Variants in SRP19 observed in about 807,000 individuals in gnomAD.
SRP19 encodes the protein signal recognition particle 19.
In SRP19, 11 loss-of-function variants were observed where a neutral mutation model predicts 22.4. That is an observed-to-expected ratio of 0.49 (90% confidence interval 0.31 to 0.81). The LOEUF (loss-of-function observed/expected upper bound fraction) is 0.81, where lower values mean the gene tolerates loss of function less well. SRP19 is among the 40% of genes least tolerant of loss of function. The pLI is 0.05. For missense variants in SRP19, 168 were observed against 175.9 expected (o/e 0.96, Z 0.25); for synonymous variants, 61 against 57.6 (o/e 1.06, Z -0.27).
At chr5:112,892,990 C>T (rs757652763) in exon 5 of SRP19, 19 of 1,580,932 alleles carry the variant, frequency 1.2e-5, no homozygotes, top group African/African-American at 6.8e-5. Flanking sequence ...CCACCGCAGC[C>T]GGAGCCAAAG....
Position 112,880,217 on chromosome 5 carries a change from C to G in SRP19, c.302-11386C>G, listed in dbSNP as rs951734225. Among the ~76,000 whole-genome samples, 6 of 152,128 alleles carry G rather than the reference C, an allele frequency of 3.9e-5. No homozygotes were observed. The South Asian group carries it at 6.2e-4, about 16-fold the overall frequency. On this transcript the variant is annotated intron_variant, in intron 4 of 4. Transcript: ENST00000391338. ...CTTGAAGCCAGGAGTTTGAGATCAC[C>G]CTGGCCAAAACACAGTGAGAGCCCA...
chr5:112,871,701 G>C (rs1212970044), downstream of SRP19, among the ~76,000 whole-genome samples: 1 of 152,144 alleles, frequency 6.6e-6, no homozygotes, highest in African/African-American at 2.4e-5. Flanking sequence ...GGAGGTTGCA[G>C]TGAGCCAAAA....
At chr5:112,866,086 G>A (rs1767594986) in intron 4 of SRP19, among the ~76,000 whole-genome samples, 1 of 151,180 alleles carries the variant, frequency 6.6e-6, no homozygotes, top group African/African-American at 2.4e-5. Flanking sequence ...GAGTGCAGTG[G>A]CACGATTATG....
downstream of SRP19, among the ~76,000 whole-genome samples, chr5:112,872,874 C>T (rs57076790): frequency 0.03 from 4,492 of 152,172 alleles, 228 homozygotes; most frequent in African/African-American, 0.1. Context: ...GTTCTTAGAC[C>T]TTGCATATTT....
chr5:112,867,372 A>C, intron 4 of SRP19, 32 bp from the exon 5 acceptor site: 6 of 1,605,348 alleles, frequency 3.7e-6, no homozygotes, highest in Middle Eastern at 1.7e-4. Context: ...TATTTCTCAG[A>C]TTATACACTA....
intron 4 of SRP19, among the ~76,000 whole-genome samples, chr5:112,886,809 A>C (rs1356995082): frequency 6.6e-6 from 1 of 152,266 alleles, no homozygotes; most frequent in African/African-American, 2.4e-5. Context: ...AGGCTACATT[A>C]AATGTGGCAT....
downstream of SRP19, among the ~76,000 whole-genome samples, chr5:112,874,657 A>C (rs1767854185): frequency 1.3e-5 from 2 of 152,106 alleles, no homozygotes; most frequent in African/African-American, 4.8e-5. Context: ...CGGGCTGTTT[A>C]ATAATGAAGA....
At chr5:112,872,905 C>A (rs1194557026), downstream of SRP19, among the ~76,000 whole-genome samples, 1 of 151,588 alleles carries the variant, frequency 6.6e-6, no homozygotes, top group African/African-American at 2.4e-5. Flanking sequence ...TCATTCTACC[C>A]TTACATTGTT....
rs534122422 is a variant in SRP19 at position 112,889,938 on chromosome 5, T to C, written c.302-1665T>C. ...GCCTCCCGGATTCAAGCGATTCTCC[T>C]GTCTCAGCCTCCCAAGTAGCTGGGA... On this transcript the variant is annotated intron_variant, in intron 4 of 4. Coordinates refer to the SRP19 transcript ENST00000391338. Among the ~76,000 whole-genome samples the C allele has an allele frequency of 6.5e-4, 98 of 150,066 alleles. 7 individuals are homozygous for C. The highest frequency in any genetic ancestry group is 2.4e-3 in the African/African-American group (97 of 40,130).
exon 5 of SRP19, chr5:112,892,878 C>T: frequency 6.2e-7 from 1 of 1,612,720 alleles, no homozygotes; most frequent in African/African-American, 1.3e-5. Context: ...AGAAATCTCA[C>T]AAACGCACAT....
chr5:112,895,237 C>CAAAAAAAAAAAAAAAAAAAA (rs10684553), downstream of SRP19: 2 of 62,216 alleles, frequency 3.2e-5, no homozygotes, highest in African/African-American at 1.4e-4. Context: ...GACTCTGTCT[C>CAAAAAAAAAAAAAAAAAAAA]AAAAAAAAAA....
chr5:112,866,263 T>G (rs1484800740), intron 4 of SRP19, among the ~76,000 whole-genome samples: 1 of 152,054 alleles, frequency 6.6e-6, no homozygotes, highest in African/African-American at 2.4e-5. Flanking sequence ...ATTTCAGGCA[T>G]GAGCCACCAG....
Position 112,862,558 on chromosome 5 carries a change from A to G in SRP19, c.92A>G (p.Glu31Gly), listed in dbSNP as rs1201645955. The change falls in exon 2 of 5, where the codon GAG (glutamate) becomes GGG (glycine). Residue 31 changes from glutamate to glycine, a missense_variant. By Grantham distance (98) the Glu-to-Gly change is moderately conservative. Transcript: ENST00000505459. The stretch of plus-strand genomic sequence containing the variant: ...TTAAATAATAAGAAGACCATCGCAG[A>G]GGGAAGGCGAATCCCCATAAGTAAG... ...AYLNNKKTIA[E>G]GRRIPISKAV... 3 of 1,613,992 alleles carry G rather than the reference A, an allele frequency of 1.9e-6. No homozygotes were observed. Among genetic ancestry groups the G allele is most frequent in the Non-Finnish European group, 1.7e-6 (2 of 1,179,960 alleles).
intron 4 of SRP19, 111 bp downstream of exon 4, chr5:112,864,843 A>T: frequency 6.4e-6 from 5 of 786,746 alleles, no homozygotes; most frequent in Non-Finnish European, 1.0e-5. Context: ...TCTGAAGATT[A>T]ATTTAAAGAC....
At chr5:112,897,519 A>C (rs1319986325), downstream of SRP19, 1 of 152,198 alleles carries the variant, frequency 6.6e-6, no homozygotes, top group Non-Finnish European at 1.5e-5. Flanking sequence ...AGCATATGTA[A>C]ATTTCATAAT....
At chr5:112,888,620 G>C (rs1332697575) in intron 4 of SRP19, among the ~76,000 whole-genome samples, 1 of 142,426 alleles carries the variant, frequency 7.0e-6, no homozygotes, top group African/African-American at 2.8e-5. Context: ...GTAGAGACAA[G>C]TGTCACAATG....
rs143955369 is a variant in SRP19 at position 112,874,917 on chromosome 5, A to G, written c.301+10185A>G. On this transcript the variant is annotated intron_variant, in intron 4 of 4. Coordinates refer to the SRP19 transcript ENST00000391338. ...CAGCCTCCCAAGTAGCTGGGATTAC[A>G]GGAATGCACCACCACACCCGGCTAA... Among the ~76,000 whole-genome samples, 1,146 of 152,102 alleles carry G rather than the reference A, an allele frequency of 7.5e-3. 12 individuals are homozygous for G. The highest frequency in any genetic ancestry group is 0.026 in the African/African-American group (1,076 of 41,484).
intron 4 of SRP19, 135 bp downstream of exon 4, chr5:112,864,867 A>T: frequency 1.7e-6 from 1 of 580,474 alleles, no homozygotes. Flanking sequence ...ACTACTGCTC[A>T]TGGAGAGAAG....
intron 4 of SRP19, among the ~76,000 whole-genome samples, chr5:112,880,598 C>G (rs961935891): frequency 6.6e-6 from 1 of 152,202 alleles, no homozygotes; most frequent in African/African-American, 2.4e-5. Flanking sequence ...CCTAGTTAAT[C>G]CAAAAGCTTT....
Sources: gnomAD v4.1 joint callset for allele counts (sites outside exome capture counted in the v4.1 genomes callset) on GRCh38, gnomAD v4.1.1 for gene constraint, MANE v1.5 for transcripts, NCBI Gene and HGNC (gene_info 2026-07-23, HGNC 2026-07-21) for gene names.